PLCB1: variants seen among roughly 807,000 people sequenced by gnomAD.
The protein encoded by PLCB1 is phospholipase C beta 1.
Under a neutral mutation model 161.8 loss-of-function variants are expected in PLCB1, and 46 were observed. The observed-to-expected ratio is 0.28, with a 90% CI of 0.22 to 0.36. The LOEUF is 0.36. Ranked by LOEUF, PLCB1 falls within the 10% of genes least tolerant of loss-of-function variation. The pLI, the probability that PLCB1 is intolerant of heterozygous loss-of-function variation, is 1.00. For missense variants in PLCB1, 1,016 were observed against 1,472.5 expected, an observed-to-expected ratio of 0.69 and a Z score of 5.07; for synonymous variants, 517 against 503.7, an observed-to-expected ratio of 1.03 and a Z score of -0.35.
At chr20:8,860,749 A>T (rs1355913695) in intron 31 of PLCB1, among the ~76,000 whole-genome samples, 1 of 152,244 alleles carries the variant, frequency 6.6e-6, no homozygotes, top group Non-Finnish European at 1.5e-5. Context: ...TTCTTGAATT[A>T]TGAGCTCCCT....
intron 2 of PLCB1, among the ~76,000 whole-genome samples, chr20:8,173,357 AC>A (rs1218706110): frequency 6.6e-6 from 1 of 152,184 alleles, no homozygotes; most frequent in East Asian, 1.9e-4. Context: ...ACTGAAAAAA[AC>A]CTGTCAGCCC....
At chr20:8,393,871 A>G (rs1281776660) in intron 3 of PLCB1, among the ~76,000 whole-genome samples, 1 of 152,168 alleles carries the variant, frequency 6.6e-6, no homozygotes, top group Non-Finnish European at 1.5e-5. Flanking sequence ...TCTTCACAGT[A>G]GTGCAGATCC....
At chr20:8,345,097 G>T (rs1159206060) in intron 2 of PLCB1, among the ~76,000 whole-genome samples, 1 of 152,154 alleles carries the variant, frequency 6.6e-6, no homozygotes, top group Admixed American at 6.5e-5. Flanking sequence ...GAAAAGTAAA[G>T]AAGCTTCAAA....
intron 31 of PLCB1, among the ~76,000 whole-genome samples, chr20:8,850,934 A>G (rs1468437578): frequency 1.3e-5 from 2 of 152,252 alleles, no homozygotes; most frequent in Non-Finnish European, 2.9e-5. Context: ...TCTTTAAGCC[A>G]GAGATCGCAA....
chr20:8,842,098 G>C (rs1024583011), intron 31 of PLCB1, among the ~76,000 whole-genome samples: 1 of 152,096 alleles, frequency 6.6e-6, no homozygotes, highest in African/African-American at 2.4e-5. Context: ...ATCAGTGTAA[G>C]ATTGAATGAG....
intron 31 of PLCB1, among the ~76,000 whole-genome samples, chr20:8,870,985 GA>G (rs1435896034): frequency 3.3e-5 from 5 of 152,182 alleles, no homozygotes; most frequent in African/African-American, 1.2e-4. Flanking sequence ...GAGCTTGTTA[GA>G]AATGCAGGGT....
chr20:8,579,089 C>T (rs771856895), intron 3 of PLCB1, among the ~76,000 whole-genome samples: 15 of 152,156 alleles, frequency 9.9e-5, no homozygotes, highest in Non-Finnish European at 1.9e-4. Flanking sequence ...ATTATTGGCC[C>T]CAATTCTTCA....
intron 2 of PLCB1, among the ~76,000 whole-genome samples, chr20:8,280,174 A>C (rs1982803292): frequency 6.6e-6 from 1 of 151,956 alleles, no homozygotes; most frequent in Non-Finnish European, 1.5e-5. Flanking sequence ...CGTCTCTATT[A>C]AAAATACAAA....
chr20:8,827,496 G>A (rs1441348581), intron 31 of PLCB1, among the ~76,000 whole-genome samples: 1 of 152,150 alleles, frequency 6.6e-6, no homozygotes, highest in African/African-American at 2.4e-5. Flanking sequence ...GTCCAAGGTG[G>A]TAAACACTAG....
intron 2 of PLCB1, among the ~76,000 whole-genome samples, chr20:8,207,732 C>T (rs1284992523): frequency 1.3e-5 from 2 of 151,986 alleles, no homozygotes; most frequent in Non-Finnish European, 2.9e-5. Flanking sequence ...AGTCATGCAC[C>T]ACAACGCCCA....
At chr20:8,209,261 G>A (rs1206957275) in intron 2 of PLCB1, among the ~76,000 whole-genome samples, 1 of 151,788 alleles carries the variant, frequency 6.6e-6, no homozygotes, top group Non-Finnish European at 1.5e-5. Flanking sequence ...CTCGGGGTTT[G>A]TCAACAATTG....
chr20:8,288,124 T>G lies in PLCB1; in HGVS notation c.178-83258T>G, dbSNP rs144644141. 8.0e-4 allele frequency among the ~76,000 whole-genome samples: 122 copies of G among 152,306 alleles called. 2 individuals carry two copies. The East Asian group carries it at 0.021, about 27-fold the overall frequency. On this transcript the variant is annotated intron_variant, in intron 2 of 31. Transcript: ENST00000338037. ...CCTCCAATCGGTACATTGGAAATTC[T>G]TGGCTGAACTTGAAGGCTGTGTTTT...
At chr20:8,152,686 G>C (rs767733380) in intron 2 of PLCB1, among the ~76,000 whole-genome samples, 1 of 151,914 alleles carries the variant, frequency 6.6e-6, no homozygotes, top group Non-Finnish European at 1.5e-5. Context: ...TTTATACACT[G>C]TGTTTTCCAT....
At chr20:8,714,919 G>A (rs770305540) in intron 12 of PLCB1, among the ~76,000 whole-genome samples, 3 of 151,054 alleles carry the variant, frequency 2.0e-5, no homozygotes, top group African/African-American at 7.3e-5. Flanking sequence ...GATTTGAACC[G>A]TCAATACCAA....
At chr20:8,458,565 A>G (rs1043553460) in intron 3 of PLCB1, among the ~76,000 whole-genome samples, 2 of 152,078 alleles carry the variant, frequency 1.3e-5, no homozygotes, top group Non-Finnish European at 2.9e-5. Flanking sequence ...CCAGGCCTTC[A>G]CTCTTAACCA....
intron 5 of PLCB1, 83 bp downstream of exon 5, chr20:8,646,264 C>T (rs1989170719): frequency 3.3e-6 from 3 of 910,650 alleles, no homozygotes; most frequent in Admixed American, 3.6e-5. Context: ...TCCGTTTATG[C>T]CATACTGACT....
chr20:8,306,377 GGTCA>G (rs1469789183), intron 2 of PLCB1: 2 of 152,212 alleles, frequency 1.3e-5, no homozygotes, highest in Non-Finnish European at 2.9e-5. Flanking sequence ...GCCACCTGCA[GGTCA>G]GTGGTCATGT....
At chr20:8,773,220 C>A (rs1367210476) in intron 26 of PLCB1, among the ~76,000 whole-genome samples, 1 of 152,192 alleles carries the variant, frequency 6.6e-6, no homozygotes, top group Admixed American at 6.5e-5. Flanking sequence ...TTCTAAGAAA[C>A]TTTACCTGGC....
chr20:8,254,119 G>T (rs767213004), intron 2 of PLCB1, among the ~76,000 whole-genome samples: 3 of 151,780 alleles, frequency 2.0e-5, no homozygotes, highest in African/African-American at 4.8e-5. Flanking sequence ...GTGCTATATT[G>T]TACACATTTC....
Sources: allele counts gnomAD v4.1 joint callset (sites outside exome capture counted in the v4.1 genomes callset), GRCh38; gene constraint gnomAD v4.1.1; transcripts MANE v1.5; gene names NCBI Gene and HGNC (gene_info 2026-07-23, HGNC 2026-07-21).